The following TJP1 variants were observed in gnomAD, a reference collection of about 807,000 sequenced individuals.
TJP1 encodes tight junction protein ZO-1.
Under a neutral mutation model 194.2 loss-of-function variants are expected in TJP1, and 43 were observed. That is an observed-to-expected ratio of 0.22 (90% CI 0.17 to 0.29). The LOEUF is 0.29. TJP1 is among the 10% of genes least tolerant of loss of function. The pLI is 1.00. For synonymous variants in TJP1, 801 were observed against 779.0 expected, an observed-to-expected ratio of 1.03 and a Z score of -0.47; for missense variants, 1,971 against 2,185.7, an observed-to-expected ratio of 0.90 and a Z score of 1.96.
chr15:29,765,718 C>T (rs2046290446), intron 5 of TJP1, among the ~76,000 whole-genome samples: 1 of 152,042 alleles, frequency 6.6e-6, no homozygotes, highest in Admixed American at 6.6e-5. Flanking sequence ...CGGCAAAAAC[C>T]CTGTCTCTAC....
At chr15:29,746,694 CTAACTT>C (rs2044807832) in intron 8 of TJP1, among the ~76,000 whole-genome samples, 2 of 151,878 alleles carry the variant, frequency 1.3e-5, no homozygotes, top group Admixed American at 6.6e-5. Flanking sequence ...TTTTTAAAGA[CTAACTT>C]TAAACATAAA....
chr15:29,874,498 T>C (rs952910235), intron 2 of TJP1, among the ~76,000 whole-genome samples: 2 of 151,978 alleles, frequency 1.3e-5, no homozygotes, highest in African/African-American at 2.4e-5. Flanking sequence ...TCAGAGACAA[T>C]ACCCCGGGTT....
intron 2 of TJP1, among the ~76,000 whole-genome samples, chr15:29,949,345 C>A (rs1245769183): frequency 1.2e-4 from 17 of 139,002 alleles, no homozygotes; most frequent in Middle Eastern, 4.1e-3. Context: ...CCACCTCCAC[C>A]ACCACCACCT....
At chr15:29,900,490 A>T (rs2053602972) in intron 2 of TJP1, among the ~76,000 whole-genome samples, 1 of 152,202 alleles carries the variant, frequency 6.6e-6, no homozygotes, top group African/African-American at 2.4e-5. Flanking sequence ...ATAAGAGTTT[A>T]GGTGAGGGTG....
In TJP1 at chr15:29,766,672, A is replaced by T. The variant is rs560229485; in HGVS notation, c.313-130T>A. 8 of 829,062 alleles carry T rather than the reference A, an allele frequency of 9.6e-6. No homozygotes were observed. In the South Asian group the frequency reaches 2.6e-4, roughly 27 times the overall value. The allele number at this position is 829,062 out of a possible 1,614,324, so 51.4% of individuals were successfully genotyped here. ...AACCAGCAAGAAACAATACACAAAC[A>T]ACTACAACAAATTTCTAAGGAATAC... On this transcript the variant is annotated intron_variant, in intron 4 of 27. Transcript: ENST00000614355.
At chr15:29,720,744 A>C in intron 18 of TJP1, 36 bp from the exon 19 acceptor site, 1 of 1,506,750 alleles carries the variant, frequency 6.6e-7, no homozygotes, top group Non-Finnish European at 9.0e-7. Context: ...AATTTTATTC[A>C]GTAGTTCTTT....
At chr15:29,847,409 C>T (rs2051456456) in intron 2 of TJP1, among the ~76,000 whole-genome samples, 1 of 152,004 alleles carries the variant, frequency 6.6e-6, no homozygotes, top group Admixed American at 6.6e-5. Flanking sequence ...CTTTTGCTTG[C>T]TTTGGCTGAT....
chr15:29,857,869 C>A (rs1211898604), intron 2 of TJP1, among the ~76,000 whole-genome samples: 4 of 152,198 alleles, frequency 2.6e-5, no homozygotes, highest in Non-Finnish European at 2.9e-5. Context: ...TCAAGCAATT[C>A]TCCTGCCTCA....
intron 1 of TJP1, among the ~76,000 whole-genome samples, chr15:29,815,609 G>A (rs374018816): frequency 7.9e-5 from 12 of 152,350 alleles, no homozygotes; most frequent in African/African-American, 2.9e-4. Flanking sequence ...AGTCACAGAT[G>A]GGTGGCACTA....
chr15:29,726,294 T>A (rs2043231373), intron 18 of TJP1, 85 bp downstream of exon 18: 2 of 1,148,556 alleles, frequency 1.7e-6, no homozygotes, highest in East Asian at 4.8e-5. Context: ...TTGATCTAAT[T>A]AGAAAGCACT....
At chr15:29,734,142 A>C in intron 12 of TJP1, 132 bp downstream of exon 12, 1 of 612,194 alleles carries the variant, frequency 1.6e-6, no homozygotes, top group Admixed American at 3.4e-5. Flanking sequence ...GAATTACATA[A>C]CTTTCTTTGA....
At chr15:29,870,766 T>A (rs1225020515) in intron 2 of TJP1, among the ~76,000 whole-genome samples, 1 of 152,172 alleles carries the variant, frequency 6.6e-6, no homozygotes, top group Non-Finnish European at 1.5e-5. Context: ...CAACCTGTGC[T>A]CCCAGGAGCC....
At chr15:29,906,063 C>T (rs556358452) in intron 2 of TJP1, among the ~76,000 whole-genome samples, 1 of 152,246 alleles carries the variant, frequency 6.6e-6, no homozygotes, top group South Asian at 2.1e-4. Context: ...AACTAAAGTA[C>T]CGCTCTGGTG....
At chr15:29,809,490 A>G (rs1326229663) in intron 1 of TJP1, among the ~76,000 whole-genome samples, 1 of 152,208 alleles carries the variant, frequency 6.6e-6, no homozygotes, top group African/African-American at 2.4e-5. Flanking sequence ...CCTAAGAGAA[A>G]TGTTAAACAA....
At chr15:29,959,281 C>T (rs933541475) in intron 1 of TJP1, among the ~76,000 whole-genome samples, 4 of 152,034 alleles carry the variant, frequency 2.6e-5, no homozygotes, top group Non-Finnish European at 5.9e-5. Context: ...TGAGCTACCA[C>T]GCCTGGCCTG....
At chr15:29,915,819 T>C (rs996887480) in intron 2 of TJP1, among the ~76,000 whole-genome samples, 3 of 152,218 alleles carry the variant, frequency 2.0e-5, no homozygotes, top group African/African-American at 2.4e-5. Flanking sequence ...TGTTTTGGTA[T>C]ATGGCAATGT....
intron 24 of TJP1, among the ~76,000 whole-genome samples, chr15:29,710,079 G>A (rs1026594878): frequency 6.6e-6 from 1 of 152,088 alleles, no homozygotes; most frequent in Non-Finnish European, 1.5e-5. Flanking sequence ...CCGAGAGGCA[G>A]AGGTTGCAGT....
chr15:29,966,289 C>T (rs937194987), intron 1 of TJP1, among the ~76,000 whole-genome samples: 7 of 152,066 alleles, frequency 4.6e-5, no homozygotes, highest in South Asian at 2.1e-4. Context: ...GATCACCTAA[C>T]GTCAGGAGTT....
intron 2 of TJP1, among the ~76,000 whole-genome samples, chr15:29,881,478 G>A (rs2052927285): frequency 6.6e-6 from 1 of 152,198 alleles, no homozygotes; most frequent in Non-Finnish European, 1.5e-5. Context: ...GTAAGGAGGT[G>A]AAGTTTAGAG....
Sources: allele counts gnomAD v4.1 joint callset (sites outside exome capture counted in the v4.1 genomes callset), GRCh38; gene constraint gnomAD v4.1.1; transcripts MANE v1.5; gene names NCBI Gene and HGNC (gene_info 2026-07-23, HGNC 2026-07-21).